The following LMO7 variants were observed in gnomAD, a reference collection of about 807,000 sequenced individuals.
The protein encoded by LMO7 is LIM domain only protein 7.
LMO7 carries 120 observed loss-of-function variants against 206.5 expected under a neutral mutation model. The observed-to-expected ratio is 0.58, with a 90% CI of 0.50 to 0.68. The LOEUF (loss-of-function observed/expected upper bound fraction) is 0.68. LMO7 is among the 30% of genes least tolerant of loss of function. The pLI, the probability that LMO7 is intolerant of heterozygous loss-of-function variation, is 0.00. For missense variants in LMO7, 1,959 were observed against 1,957.9 expected, an observed-to-expected ratio of 1.00 and a Z score of -0.01; for synonymous variants, 706 against 681.5, an observed-to-expected ratio of 1.04 and a Z score of -0.56.
intron 18 of LMO7, among the ~76,000 whole-genome samples, chr13:75,836,018 C>G (rs937830250): frequency 6.6e-6 from 1 of 152,064 alleles, no homozygotes; most frequent in South Asian, 2.1e-4. Context: ...AGGTATAACT[C>G]TTTTATTTAA....
chr13:75,732,693 G>A (rs989114966), intron 3 of LMO7, among the ~76,000 whole-genome samples: 6 of 152,194 alleles, frequency 3.9e-5, no homozygotes, highest in African/African-American at 1.2e-4. Flanking sequence ...TGGAGGAGGA[G>A]AGGCGCTCTG....
chr13:75,720,746 C>T (rs1427497041), intron 2 of LMO7, among the ~76,000 whole-genome samples: 1 of 152,170 alleles, frequency 6.6e-6, no homozygotes, highest in African/African-American at 2.4e-5. Flanking sequence ...TACATTGGTA[C>T]TGACGTTGCT....
chr13:75,771,227 T>G (rs1283251814), intron 4 of LMO7, among the ~76,000 whole-genome samples: 2 of 152,066 alleles, frequency 1.3e-5, no homozygotes, highest in African/African-American at 2.4e-5. Flanking sequence ...TTTTTTAAGA[T>G]CTCCTAATTT....
At chr13:75,757,817 T>C (rs1409749767) in intron 3 of LMO7, among the ~76,000 whole-genome samples, 1 of 146,250 alleles carries the variant, frequency 6.8e-6, no homozygotes, top group East Asian at 2.0e-4. Context: ...TGTGTGTGTG[T>C]GTGTGTGTGT....
chr13:75,823,448 A>T, intron 14 of LMO7, 117 bp from the exon 15 acceptor site: 1 of 767,190 alleles, frequency 1.3e-6, no homozygotes, highest in Non-Finnish European at 2.0e-6. Flanking sequence ...AGCAATAGTT[A>T]TGTTACTGTG....
At chr13:75,694,151 C>T (rs891841542) in intron 1 of LMO7, among the ~76,000 whole-genome samples, 1 of 152,068 alleles carries the variant, frequency 6.6e-6, no homozygotes, top group African/African-American at 2.4e-5. Flanking sequence ...AGAAGATGAG[C>T]AGATGATGAT....
chr13:75,711,622 CT>C (rs754776412), intron 1 of LMO7, among the ~76,000 whole-genome samples: 12 of 152,226 alleles, frequency 7.9e-5, no homozygotes, highest in East Asian at 1.9e-4. Flanking sequence ...TGCACCCCCC[CT>C]GTCCTGCACC....
chr13:75,798,727 A>G (rs972937666), intron 6 of LMO7, among the ~76,000 whole-genome samples: 1 of 152,230 alleles, frequency 6.6e-6, no homozygotes, highest in African/African-American at 2.4e-5. Context: ...AATACCAATT[A>G]AACAATCGTT....
intron 1 of LMO7, among the ~76,000 whole-genome samples, chr13:75,711,873 A>G (rs151107047): frequency 6.6e-6 from 1 of 152,256 alleles, no homozygotes; most frequent in East Asian, 1.9e-4. Flanking sequence ...TGTAACAGAC[A>G]CTCAGCCTTT....
chr13:75,823,446 T>A, intron 14 of LMO7, 119 bp from the exon 15 acceptor site: 1 of 760,868 alleles, frequency 1.3e-6, no homozygotes, highest in Non-Finnish European at 2.1e-6. Context: ...TTAGCAATAG[T>A]TATGTTACTG....
chr13:75,854,425 A>G (rs933517602), intron 28 of LMO7, among the ~76,000 whole-genome samples: 1 of 152,158 alleles, frequency 6.6e-6, no homozygotes, highest in African/African-American at 2.4e-5. Context: ...ATGGGATGAC[A>G]GGAAGACAGA....
In LMO7 at chr13:75,760,975, T is replaced by G. The variant is rs2139691312; in HGVS notation, c.254T>G (p.Leu85Trp). 6.2e-7 allele frequency: 1 copy of G among 1,613,568 alleles called. No homozygotes were observed. Among genetic ancestry groups the G allele is most frequent in the East Asian group, 2.2e-5 (1 of 44,872 alleles). The change falls in exon 4 of 31, where the codon TTG (leucine) becomes TGG (tryptophan). Residue 85 changes from leucine (L) to tryptophan (W), a missense_variant. Physicochemically the swap from Leu to Trp is moderately conservative, Grantham distance 61 (BLOSUM62 -2). Transcript: ENST00000377534. ...TTGAAAGCTTGTGAACAGATTGGATTGAAAGAAGCCCAGCTTTTCCATCCT... is the reference window on the plus strand; with the variant it reads ...TTGAAAGCTTGTGAACAGATTGGATGGAAAGAAGCCCAGCTTTTCCATCCT... ...VFLKACEQIG[L>W]KEAQLFHPGD... is the part of the protein sequence containing the mutation.
chr13:75,811,150 T>G (rs1023828906), intron 11 of LMO7, among the ~76,000 whole-genome samples: 2 of 152,050 alleles, frequency 1.3e-5, no homozygotes, highest in Non-Finnish European at 2.9e-5. Context: ...TAACAAAGGA[T>G]TTCTCTCTAG....
At chr13:75,780,111 G>C (rs1043763351) in intron 4 of LMO7, among the ~76,000 whole-genome samples, 1 of 152,140 alleles carries the variant, frequency 6.6e-6, no homozygotes, top group Non-Finnish European at 1.5e-5. Flanking sequence ...AGGTCACAAG[G>C]CCAGGGTGAA....
intron 15 of LMO7, among the ~76,000 whole-genome samples, chr13:75,829,698 C>T (rs2058469147): frequency 1.2e-5 from 1 of 86,664 alleles, no homozygotes; most frequent in African/African-American, 3.7e-5. Context: ...AATATTGGCC[C>T]TGTTTTTTTT....
intron 28 of LMO7, among the ~76,000 whole-genome samples, chr13:75,854,139 A>G (rs1353306491): frequency 6.6e-6 from 1 of 152,174 alleles, no homozygotes; most frequent in Non-Finnish European, 1.5e-5. Flanking sequence ...TCATGTAAGT[A>G]TATGGGGCAG....
At chr13:75,696,847 C>CCCAAGGTG (rs112226366) in intron 1 of LMO7, among the ~76,000 whole-genome samples, 31 of 152,120 alleles carry the variant, frequency 2.0e-4, no homozygotes, top group African/African-American at 7.2e-4. Context: ...TGGACTGAGC[C>CCCAAGGTG]GAGGGGAGGT....
At chr13:75,737,282 T>C (rs946273444) in intron 3 of LMO7, among the ~76,000 whole-genome samples, 1 of 152,056 alleles carries the variant, frequency 6.6e-6, no homozygotes, top group Non-Finnish European at 1.5e-5. Context: ...ATAGATTTCA[T>C]AGGGAGTGTG....
intron 1 of LMO7, chr13:75,688,504 T>C (rs2041200479): frequency 6.6e-6 from 1 of 152,268 alleles, no homozygotes; most frequent in Non-Finnish European, 1.5e-5. Flanking sequence ...GAACATCTTT[T>C]CCTAAGCCCT....
Sources: allele counts gnomAD v4.1 joint callset (sites outside exome capture counted in the v4.1 genomes callset), GRCh38; gene constraint gnomAD v4.1.1; transcripts MANE v1.5; gene names NCBI Gene and HGNC (gene_info 2026-07-23, HGNC 2026-07-21).